XPO1: variants seen among roughly 807,000 people sequenced by gnomAD.
XPO1 encodes exportin-1.
Under a neutral mutation model 133.3 loss-of-function variants are expected in XPO1, and 5 were observed. The ratio of observed to expected loss-of-function variants is 0.04; its 90% confidence interval spans 0.02 to 0.08. The LOEUF is 0.08. Ranked by LOEUF, XPO1 falls within the 10% of genes least tolerant of loss-of-function variation. The probability of loss-of-function intolerance (pLI) is 1.00; values close to 1 mark genes in which losing one functional copy is unlikely to be tolerated. For synonymous variants in XPO1, 419 were observed against 408.2 expected (o/e 1.03, Z -0.32); for missense variants, 506 against 1,267.5 (o/e 0.40, Z 9.12).
intron 3 of XPO1, 73 bp from the exon 4 acceptor site, chr2:61,522,756 A>G (rs891671718): frequency 9.7e-7 from 1 of 1,032,180 alleles, no homozygotes; most frequent in Non-Finnish European, 1.5e-6. Flanking sequence ...TCACAAATGG[A>G]CAGACATTCA....
intron 4 of XPO1, among the ~76,000 whole-genome samples, chr2:61,519,710 A>AAAC (rs1438624292): frequency 6.6e-6 from 1 of 150,850 alleles, no homozygotes; most frequent in African/African-American, 2.4e-5. Flanking sequence ...AAAAAAAAAA[A>AAAC]AAAAAAAAAA....
At position 61,492,879 on chromosome 2, in the gene XPO1, T is replaced by C. The variant is rs1183394021; in HGVS notation, c.1384+36A>G. 3.2e-6 allele frequency: 5 copies of C among 1,573,300 alleles called. No homozygotes were observed. The Admixed American group carries it at 9.5e-5, about 30-fold the overall frequency. On this transcript the variant is annotated intron_variant, in intron 13 of 24. Coordinates refer to ENST00000401558, the MANE Select transcript of XPO1 (RefSeq NM_003400.4). The surrounding 1 kb of genome is among the most constrained non-coding windows in gnomAD (Gnocchi z 5.6). ...ATGTATTTCCACCCCAGAATAGATTTATAAAGGTAAAGATTAACAGTATTT... is the reference window on the plus strand; with the variant it reads ...ATGTATTTCCACCCCAGAATAGATTCATAAAGGTAAAGATTAACAGTATTT...
chr2:61,501,176 A>C (rs1250309752), intron 6 of XPO1, among the ~76,000 whole-genome samples: 2 of 152,166 alleles, frequency 1.3e-5, no homozygotes, highest in Non-Finnish European at 2.9e-5. Flanking sequence ...AATACACTAA[A>C]ATTTTTGGAA....
chr2:61,488,529 G>A, intron 18 of XPO1, 59 bp downstream of exon 18: 1 of 1,503,168 alleles, frequency 6.7e-7, no homozygotes, highest in Non-Finnish European at 9.1e-7. Context: ...TTGACTTAAG[G>A]CAGTAGAAGA....
chr2:61,486,000 G>A (rs1696672547), intron 19 of XPO1, 38 bp from the exon 20 acceptor site: 1 of 1,537,014 alleles, frequency 6.5e-7, no homozygotes, highest in South Asian at 1.2e-5. Context: ...TTTTAATTTA[G>A]GTACATGGTG....
At chr2:61,511,004 G>A (rs560112456) in intron 4 of XPO1, among the ~76,000 whole-genome samples, 1 of 150,918 alleles carries the variant, frequency 6.6e-6, no homozygotes, top group East Asian at 1.9e-4. Context: ...TAGGTATCAA[G>A]TATAGGCCTT....
At chr2:61,529,343 T>C (rs1699052207) in intron 2 of XPO1, among the ~76,000 whole-genome samples, 1 of 152,222 alleles carries the variant, frequency 6.6e-6, no homozygotes, top group Admixed American at 6.5e-5. Context: ...GCTTGGCTTT[T>C]ATTCTAGTCT....
In XPO1 at chr2:61,485,891, A is replaced by G. The variant is rs1374036077; in HGVS notation, c.2385T>C (p.Ala795=). 1 of 1,614,130 alleles carries G rather than the reference A, an allele frequency of 6.2e-7. No individual in the cohort carries two copies. Among genetic ancestry groups the G allele is most frequent in the Non-Finnish European group, 8.5e-7 (1 of 1,180,004 alleles). ...TAGTACTAAGCACTTCTGGTTCTCT[A>G]GCAGCTGGGACATTTCTCTGATAAT... ...LIDYQRNVPA[A]REPEVLSTMA... is the part of the protein sequence containing the mutation. Residue 795 remains alanine (A), a synonymous_variant, in exon 20 of 25, where the codon GCT becomes GCC. Transcript: ENST00000401558.
chr2:61,485,066 G>A (rs918968989), intron 20 of XPO1: 1 of 152,158 alleles, frequency 6.6e-6, no homozygotes, highest in African/African-American at 2.4e-5. Context: ...TTTTAATAGA[G>A]ATGGGGTTTT....
chr2:61,527,692 G>T (rs1484503565), intron 2 of XPO1, among the ~76,000 whole-genome samples: 2 of 152,068 alleles, frequency 1.3e-5, no homozygotes, highest in African/African-American at 2.4e-5. Flanking sequence ...AACATTTATT[G>T]TAACCATCCT....
chr2:61,528,097 T>G (rs1698985192), intron 2 of XPO1, among the ~76,000 whole-genome samples: 1 of 151,908 alleles, frequency 6.6e-6, no homozygotes, highest in African/African-American at 2.4e-5. Context: ...TGGCTAATTT[T>G]TGTATTTTCA....
At chr2:61,535,215 C>G (rs1385286017) in intron 1 of XPO1, among the ~76,000 whole-genome samples, 4 of 152,194 alleles carry the variant, frequency 2.6e-5, no homozygotes, top group African/African-American at 9.7e-5. Context: ...CCACTCAAAC[C>G]TAATTGGTTA....
chr2:61,521,780 G>A (rs1297780586), intron 4 of XPO1, among the ~76,000 whole-genome samples: 3 of 151,840 alleles, frequency 2.0e-5, no homozygotes, highest in Admixed American at 6.6e-5. Context: ...TTTTTGAGAC[G>A]GAGTTTCGCT....
chr2:61,515,894 T>A (rs1373593215), intron 4 of XPO1, among the ~76,000 whole-genome samples: 5 of 137,170 alleles, frequency 3.6e-5, no homozygotes, highest in African/African-American at 5.7e-5. Flanking sequence ...CCATCCTGGC[T>A]AACACGGTGA....
intron 22 of XPO1, 131 bp downstream of exon 22, chr2:61,482,826 T>C (rs1304339601): frequency 7.4e-6 from 8 of 1,075,662 alleles, no homozygotes; most frequent in African/African-American, 1.6e-5. Flanking sequence ...AGTTTCACCA[T>C]GGTGGCCAGG....
intron 3 of XPO1, among the ~76,000 whole-genome samples, chr2:61,523,782 C>T (rs1036831312): frequency 2.6e-5 from 4 of 152,216 alleles, no homozygotes; most frequent in Admixed American, 1.3e-4. Flanking sequence ...CTGTCCCAAA[C>T]TACATTGTGC....
At chr2:61,502,152 A>G (rs1697559292) in intron 5 of XPO1, 97 bp downstream of exon 5, 1 of 1,506,746 alleles carries the variant, frequency 6.6e-7, no homozygotes, top group Admixed American at 1.9e-5. Flanking sequence ...GACTGTGCAT[A>G]TGTGTGACTA....
intron 4 of XPO1, among the ~76,000 whole-genome samples, chr2:61,503,892 T>C (rs1697668979): frequency 1.3e-5 from 2 of 152,292 alleles, no homozygotes; most frequent in African/African-American, 2.4e-5. Context: ...TAAAAATTTA[T>C]TGATGGCTTG....
chr2:61,478,694 T>C lies in XPO1; in HGVS notation c.*126A>G, dbSNP rs1329770818. 3.0e-5 allele frequency: 28 copies of C among 929,592 alleles called. No homozygotes were observed. Among genetic ancestry groups the C allele is most frequent in the Non-Finnish European group, 4.1e-5 (27 of 659,462 alleles). The allele number at this position is 929,592 out of a possible 1,614,324, so 57.6% of individuals were successfully genotyped here. The stretch of plus-strand genomic sequence containing the variant: ...AAAATTTCTTATACAAAAAAACACA[T>C]AAGAAAAAGGGCCACTAGGTGACAT... On this transcript the variant is annotated 3_prime_UTR_variant, in exon 25 of 25. Coordinates refer to ENST00000401558, the MANE Select transcript of XPO1 (RefSeq NM_003400.4).
Sources: gnomAD v4.1 joint callset for allele counts (sites outside exome capture counted in the v4.1 genomes callset) on GRCh38, gnomAD v4.1.1 for gene constraint, Gnocchi (gnomAD v3.1) non-coding constraint, MANE v1.5 for transcripts, NCBI Gene and HGNC (gene_info 2026-07-23, HGNC 2026-07-21) for gene names.